The following ACTR3B variants were observed in gnomAD, a reference collection of about 807,000 sequenced individuals.
ACTR3B encodes the protein actin-related protein 3B.
A neutral mutation model predicts 59.0 loss-of-function variants in ACTR3B; 8 were observed. The ratio of observed to expected loss-of-function variants is 0.14; its 90% CI spans 0.08 to 0.24. ACTR3B has a LOEUF of 0.24. Ranked by LOEUF, ACTR3B falls within the 10% of genes least tolerant of loss-of-function variation. ACTR3B has a pLI of 1.00. For missense variants in ACTR3B, 245 were observed against 552.3 expected, an observed-to-expected ratio of 0.44 and a Z score of 5.58; for synonymous variants, 148 against 197.9, an observed-to-expected ratio of 0.75 and a Z score of 2.12.
Position 152,853,563 on chromosome 7 carries a change from A to G in ACTR3B, c.1147A>G (p.Met383Val). 6.2e-7 allele frequency: 1 copy of G among 1,613,800 alleles called. No individual in the cohort carries two copies. Among genetic ancestry groups the G allele is most frequent in the East Asian group, 2.2e-5 (1 of 44,860 alleles). ...QRYAVWFGGS[M>V]LASTPEFFQV... ...CTACGCCGTGTGGTTCGGAGGCTCCATGCTGGCCTCGACTGTAAGTCCCTC... is the reference window on the plus strand; with the variant it reads ...CTACGCCGTGTGGTTCGGAGGCTCCGTGCTGGCCTCGACTGTAAGTCCCTC... Residue 383 changes from methionine (M) to valine (V), a missense_variant, in exon 11 of 12, where the codon ATG (methionine) becomes GTG (valine). Physicochemically the swap from Met to Val is conservative, Grantham distance 21. Around this residue, in one of 7 missense-constraint regions of ACTR3B, gnomAD observed 153 missense variants for 266.2 expected, o/e 0.57. Transcript: ENST00000256001.
At position 152,854,652 on chromosome 7, in the gene ACTR3B, T is replaced by C; in HGVS notation, c.*99T>C. 1 of 1,286,514 alleles carries C rather than the reference T, an allele frequency of 7.8e-7. No homozygotes were observed. The allele number at this position is 1,286,514 out of a possible 1,614,324, so 79.7% of individuals were successfully genotyped here. A position where few individuals can be genotyped will look rare whatever the true frequency, so the allele number is the denominator to read the frequency against. On this transcript the variant is annotated 3_prime_UTR_variant, in exon 12 of 12. Transcript: ENST00000256001. The surrounding 1 kb of genome is among the most constrained non-coding windows in gnomAD (Gnocchi z 4.9). ...CGTTCTGTAAATAGCGACGTCGGTG[T>C]TGCTGCCCAGCAGCGTGCTTGCATT... is the stretch of plus-strand genomic sequence containing the variant.
At chr7:152,837,394 ATG>A (rs1797552349) in intron 9 of ACTR3B, among the ~76,000 whole-genome samples, 1 of 152,258 alleles carries the variant, frequency 6.6e-6, no homozygotes, top group South Asian at 2.1e-4. Flanking sequence ...ACCAAAGCAA[ATG>A]ACGCCTGTAA....
At chr7:152,767,348 A>C (rs144109456) in intron 1 of ACTR3B, among the ~76,000 whole-genome samples, 1 of 151,852 alleles carries the variant, frequency 6.6e-6, no homozygotes, top group Non-Finnish European at 1.5e-5. Flanking sequence ...GAGTTAGTCT[A>C]TTGGTCTGTT....
chr7:152,792,029 T>C, intron 2 of ACTR3B, among the ~76,000 whole-genome samples: 1 of 152,072 alleles, frequency 6.6e-6, no homozygotes, highest in African/African-American at 2.4e-5. Flanking sequence ...GTAGCTGGGA[T>C]TACAGGTGCC....
At chr7:152,771,636 T>C (rs550956515) in intron 1 of ACTR3B, among the ~76,000 whole-genome samples, 2 of 152,180 alleles carry the variant, frequency 1.3e-5, no homozygotes, top group Non-Finnish European at 2.9e-5. Flanking sequence ...ACAGAGTGTG[T>C]GGAACAGATG....
chr7:152,792,735 G>A (rs1440785946), intron 2 of ACTR3B, among the ~76,000 whole-genome samples: 4 of 151,896 alleles, frequency 2.6e-5, no homozygotes, highest in South Asian at 2.1e-4. Flanking sequence ...GTGACAGAGC[G>A]ATACTCCATC....
chr7:152,811,064 A>G (rs1041374862), intron 4 of ACTR3B: 2 of 150,482 alleles, frequency 1.3e-5, no homozygotes, highest in Admixed American at 6.6e-5. Context: ...GTGTTTAGTG[A>G]TGGGTATTTA....
In ACTR3B at chr7:152,820,677, G is replaced by A. The variant is rs554105125; in HGVS notation, c.684+235G>A. 2.6e-5 allele frequency among the ~76,000 whole-genome samples: 4 copies of A among 152,308 alleles called. No homozygotes were observed. The South Asian group carries it at 6.2e-4, about 24-fold the overall frequency. On this transcript the variant is annotated intron_variant, in intron 7 of 11. Coordinates refer to ENST00000256001, the MANE Select transcript of ACTR3B (RefSeq NM_020445.6). ...AGAACAGCTTGGTAGCTGGTGCAGC[G>A]TACCAGCGTGCAGAGGCAGCATTGT... is the stretch of plus-strand genomic sequence containing the variant.
At chr7:152,834,451 G>T in intron 9 of ACTR3B, among the ~76,000 whole-genome samples, 1 of 152,222 alleles carries the variant, frequency 6.6e-6, no homozygotes, top group East Asian at 1.9e-4. Context: ...ACCGCGCCCG[G>T]TTGTCGCTGT....
intron 1 of ACTR3B, among the ~76,000 whole-genome samples, chr7:152,777,462 ATTC>A (rs767815852): frequency 2.6e-5 from 4 of 152,190 alleles, no homozygotes; most frequent in Non-Finnish European, 5.9e-5. Flanking sequence ...TATGTGGTGT[ATTC>A]TTAAGGGTAA....
chr7:152,769,694 T>C (rs1459281994), intron 1 of ACTR3B, among the ~76,000 whole-genome samples: 1 of 152,178 alleles, frequency 6.6e-6, no homozygotes, highest in Non-Finnish European at 1.5e-5. Context: ...TTTTATTTTA[T>C]TAATATCTTT....
chr7:152,834,302 C>T (rs138635786), intron 9 of ACTR3B, among the ~76,000 whole-genome samples: 4,112 of 151,914 alleles, frequency 0.027, 91 homozygotes, highest in African/African-American at 0.062. Context: ...TACAGGTGCC[C>T]GCCACCACGC....
Position 152,759,946 on chromosome 7 carries a change from C to A in ACTR3B, c.44+20C>A. 1 of 1,355,540 alleles carries A rather than the reference C, an allele frequency of 7.4e-7. No homozygotes were observed. The highest frequency in any genetic ancestry group is 9.6e-7 in the Non-Finnish European group (1 of 1,045,400). 84.0% of individuals were successfully genotyped at this position (1,355,540 alleles called of 1,614,324 possible). A position where few individuals can be genotyped will look rare whatever the true frequency, so the allele number is the denominator to read the frequency against. On this transcript the variant is annotated intron_variant, in intron 1 of 11. Coordinates refer to ENST00000256001, the MANE Select transcript of ACTR3B (RefSeq NM_020445.6). ...CACCGGGTAAGAGCAGCTCGGCGCCCACCCCCGCTCCTCCGCGGCCCCGCT... is the reference window on the plus strand; with the variant it reads ...CACCGGGTAAGAGCAGCTCGGCGCCAACCCCCGCTCCTCCGCGGCCCCGCT...
intron 4 of ACTR3B, among the ~76,000 whole-genome samples, chr7:152,804,933 C>CAG (rs2116760332): frequency 6.6e-6 from 1 of 152,154 alleles, no homozygotes; most frequent in South Asian, 2.1e-4. Flanking sequence ...GGAGCCCGGG[C>CAG]AGACATTGTA....
At chr7:152,853,012 C>T (rs770633348) in intron 10 of ACTR3B, among the ~76,000 whole-genome samples, 3 of 151,970 alleles carry the variant, frequency 2.0e-5, no homozygotes, top group East Asian at 1.9e-4. Context: ...AGGATGGTCT[C>T]GATCTCCTGA....
chr7:152,818,788 GCACA>G (rs1025602272), intron 6 of ACTR3B, among the ~76,000 whole-genome samples: 1 of 152,132 alleles, frequency 6.6e-6, no homozygotes, highest in East Asian at 1.9e-4. Context: ...ACGCATGCGT[GCACA>G]CACACACACT....
Position 152,855,106 on chromosome 7 carries a change from G to A in ACTR3B, c.*553G>A, listed in dbSNP as rs910748803. 5 of 153,188 alleles carry A rather than the reference G, an allele frequency of 3.3e-5. No homozygotes were observed. Among genetic ancestry groups the A allele is most frequent in the African/African-American group, 1.2e-4 (5 of 41,464 alleles). The allele number at this position is 153,188 out of a possible 1,614,324, so 9.5% of individuals were successfully genotyped here. Reference sequence around the variant, plus strand: ...TCCAAAGTTTTTAATTGTGAGGCATGTTCTGATATGTTTATAGGCAAACAA... The same window carrying A: ...TCCAAAGTTTTTAATTGTGAGGCATATTCTGATATGTTTATAGGCAAACAA... On this transcript the variant is annotated 3_prime_UTR_variant, in exon 12 of 12. Transcript: ENST00000256001.
intron 2 of ACTR3B, among the ~76,000 whole-genome samples, chr7:152,795,555 C>A (rs1244361724): frequency 6.6e-6 from 1 of 152,154 alleles, no homozygotes; most frequent in Non-Finnish European, 1.5e-5. Flanking sequence ...GGAAATGAGG[C>A]ATTAAAGGTA....
intron 9 of ACTR3B, among the ~76,000 whole-genome samples, chr7:152,836,323 C>G (rs1343771598): frequency 2.6e-5 from 4 of 151,844 alleles, no homozygotes; most frequent in Non-Finnish European, 3.0e-5. Flanking sequence ...AAGCTGGGTG[C>G]AGGGGCTCAC....
Sources: gnomAD v4.1 joint callset for allele counts (sites outside exome capture counted in the v4.1 genomes callset) on GRCh38, gnomAD v4.1.1 for gene constraint, gnomAD v4.1.1 regional missense constraint, Gnocchi (gnomAD v3.1) non-coding constraint, MANE v1.5 for transcripts, NCBI Gene and HGNC (gene_info 2026-07-23, HGNC 2026-07-21) for gene names.